CFAP45: variants seen among roughly 807,000 people sequenced by gnomAD.
The protein encoded by CFAP45 is cilia and flagella associated protein 45.
In CFAP45, 43 loss-of-function variants were observed where a neutral mutation model predicts 75.6. The observed-to-expected ratio is 0.57, with a 90% confidence interval of 0.45 to 0.73. The LOEUF (loss-of-function observed/expected upper bound fraction) is 0.73, where lower values mean the gene tolerates loss of function less well. Ranked by LOEUF, CFAP45 falls within the 30% of genes least tolerant of loss-of-function variation. The probability of loss-of-function intolerance (pLI) is 0.00; values close to 1 mark genes in which losing one functional copy is unlikely to be tolerated. For synonymous variants in CFAP45, 223 were observed against 244.6 expected, an observed-to-expected ratio of 0.91 and a Z score of 0.82; for missense variants, 689 against 701.5, an observed-to-expected ratio of 0.98 and a Z score of 0.20.
chr1:159,877,439 A>G lies in CFAP45; in HGVS notation c.1068T>C (p.Ala356=), dbSNP rs751004635. 2.5e-6 allele frequency: 4 copies of G among 1,614,062 alleles called. No individual in the cohort carries two copies. In the South Asian group the frequency reaches 3.3e-5, roughly 13 times the overall value. ...KKMAREAEFE[A]EQERIRREKE... is the part of the protein sequence containing the mutation. ...TCTCCCTCCGGATTCTCTCCTGCTC[A>G]GCCTCAAACTCTGCTTCTCGAGCCT... Residue 356 remains alanine, a synonymous_variant, in exon 9 of 12, where the codon GCT becomes GCC. Transcript: ENST00000368099.
intron 1 of CFAP45, among the ~76,000 whole-genome samples, chr1:159,895,758 G>T (rs1019116313): frequency 6.6e-6 from 1 of 152,218 alleles, no homozygotes; most frequent in Non-Finnish European, 1.5e-5. Flanking sequence ...ACCAAAAATA[G>T]AATAAGAGGA....
At chr1:159,880,933 T>G (rs1379461424) in intron 7 of CFAP45, among the ~76,000 whole-genome samples, 1 of 152,238 alleles carries the variant, frequency 6.6e-6, no homozygotes, top group Non-Finnish European at 1.5e-5. Context: ...CCCCTGATGC[T>G]ATTGATCTCT....
intron 7 of CFAP45, among the ~76,000 whole-genome samples, chr1:159,881,856 A>T (rs991005748): frequency 1.3e-4 from 20 of 152,102 alleles, no homozygotes; most frequent in Non-Finnish European, 2.9e-5. Context: ...CCTCCAATCA[A>T]TCTCAGACTC....
chr1:159,888,601 T>G (rs1189755419), intron 3 of CFAP45, 105 bp from the exon 4 acceptor site: 1 of 1,071,432 alleles, frequency 9.3e-7, no homozygotes, highest in Non-Finnish European at 1.4e-6. Flanking sequence ...GCCAGTGGAC[T>G]CCCCCAATGG....
chr1:159,884,766 T>C (rs1557913593), intron 6 of CFAP45, among the ~76,000 whole-genome samples: 1 of 152,164 alleles, frequency 6.6e-6, no homozygotes, highest in Non-Finnish European at 1.5e-5. Flanking sequence ...TCCTTTCTCC[T>C]GAGCTCCTGG....
chr1:159,888,012 C>G lies in CFAP45; in HGVS notation c.418-1G>C. 13 of 1,613,694 alleles carry G rather than the reference C, an allele frequency of 8.1e-6. No homozygotes were observed. Among genetic ancestry groups the G allele is most frequent in the Non-Finnish European group, 1.1e-5 (13 of 1,179,648 alleles). ...TCTTCTTTCGTGTCATCACTGCATC[C>G]TAAGGGAGACCAGTCTGGCTCAGTG... On this transcript the variant is annotated splice_acceptor_variant, in intron 4 of 11. Transcript: ENST00000368099. LOFTEE classifies it high-confidence loss of function.
At chr1:159,878,540 G>A (rs752932151) in intron 8 of CFAP45, among the ~76,000 whole-genome samples, 20 of 151,576 alleles carry the variant, frequency 1.3e-4, no homozygotes, top group Non-Finnish European at 2.4e-4. Flanking sequence ...AGATCATGAC[G>A]TAAAGAGATC....
At chr1:159,888,529 A>C in intron 3 of CFAP45, 33 bp from the exon 4 acceptor site, 1 of 1,607,688 alleles carries the variant, frequency 6.2e-7, no homozygotes, top group Non-Finnish European at 8.5e-7. Context: ...TAGGGAGGGG[A>C]GAGGGAAAGC....
chr1:159,874,156 T>C (rs974576892), intron 10 of CFAP45, among the ~76,000 whole-genome samples: 2 of 152,170 alleles, frequency 1.3e-5, no homozygotes, highest in African/African-American at 4.8e-5. Context: ...AAAATGCATT[T>C]ATAGGCCTTC....
chr1:159,892,725 C>T (rs923316064), intron 2 of CFAP45, among the ~76,000 whole-genome samples: 6 of 152,170 alleles, frequency 3.9e-5, no homozygotes, highest in East Asian at 1.9e-4. Context: ...AAGACCTGCT[C>T]GTTTCCCAAA....
intron 6 of CFAP45, among the ~76,000 whole-genome samples, chr1:159,885,627 G>C (rs1480103812): frequency 6.6e-6 from 1 of 152,218 alleles, no homozygotes; most frequent in Non-Finnish European, 1.5e-5. Flanking sequence ...CATGAATTAA[G>C]CACCTATTAC....
At chr1:159,874,611 A>G (rs1441709531) in intron 10 of CFAP45, among the ~76,000 whole-genome samples, 1 of 152,198 alleles carries the variant, frequency 6.6e-6, no homozygotes, top group East Asian at 1.9e-4. Flanking sequence ...AAGTGTGGAA[A>G]AGGGGGACTT....
intron 10 of CFAP45, among the ~76,000 whole-genome samples, chr1:159,874,760 G>A (rs995826555): frequency 5.3e-5 from 8 of 152,348 alleles, no homozygotes; most frequent in African/African-American, 1.9e-4. Flanking sequence ...TTTTGAAACA[G>A]ACTCATGCAT....
At chr1:159,878,168 T>C (rs1649451217) in intron 8 of CFAP45, among the ~76,000 whole-genome samples, 1 of 152,204 alleles carries the variant, frequency 6.6e-6, no homozygotes, top group Non-Finnish European at 1.5e-5. Context: ...TCATAGACAA[T>C]TTTCAAGTTG....
intron 10 of CFAP45, chr1:159,873,369 C>G (rs1649326011): frequency 1.7e-6 from 1 of 597,600 alleles, no homozygotes; most frequent in African/African-American, 1.9e-5. Context: ...CCTACCCAGC[C>G]AGGACTAGCT....
chr1:159,883,232 AAAGGC>A (rs1649591292), intron 7 of CFAP45, among the ~76,000 whole-genome samples: 1 of 152,218 alleles, frequency 6.6e-6, no homozygotes, highest in Non-Finnish European at 1.5e-5. Flanking sequence ...AGATATTCTT[AAAGGC>A]AACTGGCCTA....
intron 7 of CFAP45, among the ~76,000 whole-genome samples, chr1:159,880,972 G>T (rs959913878): frequency 2.6e-5 from 4 of 152,214 alleles, no homozygotes; most frequent in Non-Finnish European, 5.9e-5. Flanking sequence ...AGCTCTTAAA[G>T]TTCCATACAA....
rs768560353 is a variant in CFAP45, at chr1:159,900,145, C to G, written c.-47G>C. The G allele has an allele frequency of 6.2e-7, 1 of 1,613,774 alleles. No homozygotes were observed. Among genetic ancestry groups the G allele is most frequent in the Admixed American group, 1.7e-5 (1 of 60,002 alleles). On this transcript the variant is annotated 5_prime_UTR_variant, in exon 1 of 12. Transcript: ENST00000368099. ...CTCCGGACTTCTGCTGCCGCCTCGG[C>G]GCCGCCAAGGCCCTAGTGTTGACGC...
In CFAP45 at chr1:159,886,586, A is replaced by T. The variant is rs756056518; in HGVS notation, c.692T>A (p.Met231Lys). 2 of 1,614,036 alleles carry T rather than the reference A, an allele frequency of 1.2e-6. No homozygotes were observed. Among genetic ancestry groups the T allele is most frequent in the Admixed American group, 1.7e-5 (1 of 60,002 alleles). The change falls in exon 6 of 12, where the codon ATG (methionine) becomes AAG (lysine). Residue 231 changes from methionine to lysine, a missense_variant. Transcript: ENST00000368099. Reference protein sequence around the residue: ...LDTEEKRLDQMMEVERQKSIQ... With the variant: ...LDTEEKRLDQKMEVERQKSIQ... ...GGATTTCTGCCGCTCCACTTCCATC[A>T]TCTGATCCAACCGCTTCTCTTCTGT...
Sources: allele counts gnomAD v4.1 joint callset (sites outside exome capture counted in the v4.1 genomes callset), GRCh38; gene constraint gnomAD v4.1.1; transcripts MANE v1.5; gene names NCBI Gene and HGNC (gene_info 2026-07-23, HGNC 2026-07-21).